The following CCDC180 variants were observed in gnomAD, a reference collection of about 807,000 sequenced individuals.
The protein encoded by CCDC180 is coiled-coil domain containing 180.
Under a neutral mutation model 209.2 loss-of-function variants are expected in CCDC180, and 154 were observed. That is an observed-to-expected ratio of 0.74 (90% CI 0.65 to 0.84). The LOEUF is 0.84. CCDC180 is among the 40% of genes least tolerant of loss of function. The probability of loss-of-function intolerance (pLI) is 0.00; values close to 1 mark genes in which losing one functional copy is unlikely to be tolerated. For missense variants in CCDC180, 1,874 were observed against 1,997.3 expected, an observed-to-expected ratio of 0.94 and a Z score of 1.18; for synonymous variants, 778 against 749.1, an observed-to-expected ratio of 1.04 and a Z score of -0.63.
In CCDC180 at chr9:97,314,851, C is replaced by T. The variant is rs372127365; in HGVS notation, c.700C>T (p.Leu234=). 1.3e-5 allele frequency: 21 copies of T among 1,613,342 alleles called. No homozygotes were observed. Among genetic ancestry groups the T allele is most frequent in the Non-Finnish European group, 1.8e-5 (21 of 1,179,316 alleles). Residue 234 remains leucine (L), a splice_region_variant and synonymous_variant, in exon 8 of 37, where the codon CTA becomes TTA. Transcript: ENST00000529487. ...AAGTATGGTGCCTTGTCATTTCTAG[C>T]TAAAAAGCGTGTTGAAGAAATATGC... The part of the protein sequence containing the change: ...HSLEFSRTDK[L]KSVLKKYAEV...
intron 29 of CCDC180, among the ~76,000 whole-genome samples, chr9:97,364,930 G>A (rs1826876860): frequency 6.6e-6 from 1 of 152,192 alleles, no homozygotes; most frequent in African/African-American, 2.4e-5. Context: ...ATTCCATGGT[G>A]AACAAGTACA....
At chr9:97,308,577 C>G (rs1350867632) in intron 2 of CCDC180, among the ~76,000 whole-genome samples, 1 of 152,196 alleles carries the variant, frequency 6.6e-6, no homozygotes, top group Non-Finnish European at 1.5e-5. Flanking sequence ...TGACCTAGGA[C>G]TCCCATAACT....
At chr9:97,307,870 C>T in intron 1 of CCDC180, 64 bp downstream of exon 1, 1 of 1,606,718 alleles carries the variant, frequency 6.2e-7, no homozygotes, top group South Asian at 1.1e-5. Flanking sequence ...CGCCTACCCC[C>T]CAGCAGAGAG....
rs538679980 is a variant in CCDC180 at position 97,352,945 on chromosome 9, GTA to G, written c.3003-1609_3003-1608del. The stretch of plus-strand genomic sequence containing the variant: ...TTTGTAGATATATACATATACGTAT[GTA>G]TATATATATATATACACACACACAT... On this transcript the variant is annotated intron_variant, in intron 22 of 36. Transcript: ENST00000529487. 3.2e-4 allele frequency among the ~76,000 whole-genome samples: 44 copies of G among 136,260 alleles called. 1 individual carries two copies. The highest frequency in any genetic ancestry group is 6.6e-4 in the East Asian group (3 of 4,528). The allele number at this position is 136,260 out of a possible 152,430, so 89.4% of individuals were successfully genotyped here. A position where few individuals can be genotyped will look rare whatever the true frequency, so the allele number is the denominator to read the frequency against.
chr9:97,359,183 G>T (rs1826679335), intron 25 of CCDC180, among the ~76,000 whole-genome samples: 1 of 152,194 alleles, frequency 6.6e-6, no homozygotes, highest in Non-Finnish European at 1.5e-5. Flanking sequence ...GGAGCAGGGG[G>T]AAGATGAGGT....
chr9:97,374,784 C>T, intron 35 of CCDC180, 136 bp downstream of exon 35: 1 of 668,802 alleles, frequency 1.5e-6, no homozygotes, highest in Non-Finnish European at 2.5e-6. Flanking sequence ...TTAGTTTCCT[C>T]ATCTATGAAA....
intron 28 of CCDC180, 45 bp from the exon 29 acceptor site, chr9:97,364,006 G>T (rs192052526): frequency 1.9e-6 from 3 of 1,587,538 alleles, no homozygotes; most frequent in East Asian, 2.2e-5. Context: ...CCTGCCTTGC[G>T]TCTGTCCACA....
At position 97,366,478 on chromosome 9, in the gene CCDC180, G is replaced by A; in HGVS notation, c.4048-81G>A. 1 of 1,436,138 alleles carries A rather than the reference G, an allele frequency of 7.0e-7. No homozygotes were observed. The highest frequency in any genetic ancestry group is 9.6e-7 in the Non-Finnish European group (1 of 1,043,582). 89.0% of individuals were successfully genotyped at this position (1,436,138 alleles called of 1,614,324 possible). A position where few individuals can be genotyped will look rare whatever the true frequency, so the allele number is the denominator to read the frequency against. On this transcript the variant is annotated intron_variant, in intron 30 of 36. Transcript: ENST00000529487. The surrounding 1 kb of genome is among the most constrained non-coding windows in gnomAD (Gnocchi z 4.3). ...AGCAAAGGCTAGGGAGTGTGGAGGT[G>A]AGGGCAGGCTGGTGGATCCCAGGAG...
chr9:97,353,590 T>A (rs569447442), intron 22 of CCDC180, among the ~76,000 whole-genome samples: 1 of 152,226 alleles, frequency 6.6e-6, no homozygotes, highest in Non-Finnish European at 1.5e-5. Flanking sequence ...GACATTGCAT[T>A]CCTTCAGAGA....
intron 18 of CCDC180, among the ~76,000 whole-genome samples, chr9:97,331,697 C>G (rs1358994433): frequency 1.4e-5 from 2 of 144,732 alleles, no homozygotes; most frequent in African/African-American, 5.3e-5. Context: ...ACATGTATGT[C>G]TACTTTTGAA....
intron 8 of CCDC180, 50 bp downstream of exon 8, chr9:97,314,996 C>A: frequency 7.2e-7 from 1 of 1,393,840 alleles, no homozygotes; most frequent in Non-Finnish European, 1.0e-6. Flanking sequence ...AGGGGCAGGA[C>A]CAGGAACCCA....
intron 18 of CCDC180, among the ~76,000 whole-genome samples, chr9:97,336,512 A>G (rs545971902): frequency 6.6e-6 from 1 of 152,220 alleles, no homozygotes; most frequent in East Asian, 1.9e-4. Context: ...GTTCTGTTCT[A>G]TTGGTCTGTA....
At chr9:97,358,827 C>T (rs1460481452) in intron 25 of CCDC180, among the ~76,000 whole-genome samples, 2 of 152,162 alleles carry the variant, frequency 1.3e-5, no homozygotes, top group Admixed American at 6.5e-5. Flanking sequence ...TTCTCCTCAC[C>T]GTTCTCTGTC....
At chr9:97,362,465 C>T (rs1285870811) in intron 28 of CCDC180, 24 bp downstream of exon 28, 26 of 1,605,154 alleles carry the variant, frequency 1.6e-5, no homozygotes, top group South Asian at 4.5e-5. Context: ...CAGCCAGAAT[C>T]GCCCCTTCCC....
Position 97,330,541 on chromosome 9 carries a change from A to G in CCDC180, c.2048A>G (p.Asp683Gly), listed in dbSNP as rs1825707686. 1.9e-6 allele frequency: 3 copies of G among 1,614,052 alleles called. No homozygotes were observed. In the African/African-American group the frequency reaches 4.0e-5, roughly 22 times the overall value. ...QKKSPLHAKM[D>G]ESKEGSIQGL... ...AAATCTCCACTGCATGCTAAGATGG[A>G]TGAGTCCAAAGAAGGCTCTATTCAG... is the stretch of plus-strand genomic sequence containing the variant. The change falls in exon 18 of 37, where the codon GAT becomes GGT. Residue 683 changes from aspartate (D) to glycine (G), a missense_variant. Transcript: ENST00000529487.
At chr9:97,316,275 C>A (rs568534048) in intron 8 of CCDC180, among the ~76,000 whole-genome samples, 2 of 152,284 alleles carry the variant, frequency 1.3e-5, no homozygotes, top group South Asian at 4.1e-4. Flanking sequence ...TAGCATGAAC[C>A]CCATCTTACG....
chr9:97,309,145 T>C (rs1377842449), intron 2 of CCDC180, among the ~76,000 whole-genome samples: 1 of 152,224 alleles, frequency 6.6e-6, no homozygotes, highest in Non-Finnish European at 1.5e-5. Context: ...GTTTTTCCAA[T>C]TTCTTGTGAT....
chr9:97,353,995 CTTT>C (rs33935021), intron 22 of CCDC180, among the ~76,000 whole-genome samples: 143 of 120,108 alleles, frequency 1.2e-3, no homozygotes, highest in African/African-American at 1.8e-3. Flanking sequence ...ATCTGGAATT[CTTT>C]TTTTTTTTTT....
chr9:97,344,786 A>G (rs1042806889), intron 19 of CCDC180, among the ~76,000 whole-genome samples: 6 of 152,238 alleles, frequency 3.9e-5, no homozygotes, highest in East Asian at 1.9e-4. Flanking sequence ...TATGAAAATC[A>G]TAAGTGTATA....
Sources: allele counts gnomAD v4.1 joint callset (sites outside exome capture counted in the v4.1 genomes callset), GRCh38; gene constraint gnomAD v4.1.1; non-coding constraint Gnocchi (gnomAD v3.1); transcripts MANE v1.5; gene names NCBI Gene and HGNC (gene_info 2026-07-23, HGNC 2026-07-21).